ZNF454: variants seen among roughly 807,000 people sequenced by gnomAD.
ZNF454 encodes the protein zinc finger protein 454.
Under a neutral mutation model 48.2 loss-of-function variants are expected in ZNF454, and 30 were observed. That is an observed-to-expected ratio of 0.62 (90% CI 0.47 to 0.84). The LOEUF is 0.84. Ranked by LOEUF, ZNF454 falls within the 40% of genes least tolerant of loss-of-function variation. ZNF454 has a pLI of 0.00. For synonymous variants in ZNF454, 204 were observed against 211.4 expected (o/e 0.97, Z 0.30); for missense variants, 510 against 623.1 (o/e 0.82, Z 1.93).
At chr5:178,982,185 A>G in the ZNF454 span, among the ~76,000 whole-genome samples, 1 of 152,360 alleles carries the variant, frequency 6.6e-6, no homozygotes, top group Admixed American at 6.5e-5. Context: ...TCAGGAGCAG[A>G]TGGGCAAATA....
the ZNF454 span, among the ~76,000 whole-genome samples, chr5:178,976,947 C>T: frequency 0.035 from 5,363 of 152,182 alleles, 108 homozygotes; most frequent in South Asian, 0.075. Context: ...TGCCTGGGGC[C>T]GTGTTCCCCT....
At chr5:178,950,191 T>C (rs1759497867) in intron 4 of ZNF454, among the ~76,000 whole-genome samples, 1 of 152,224 alleles carries the variant, frequency 6.6e-6, no homozygotes, top group South Asian at 2.1e-4. Flanking sequence ...TTTTTAATCA[T>C]AATATGAAAA....
chr5:178,970,102 C>T (rs372246716), downstream of ZNF454, among the ~76,000 whole-genome samples: 8 of 152,152 alleles, frequency 5.3e-5, no homozygotes, highest in South Asian at 1.2e-3. Flanking sequence ...TTACTGTGGC[C>T]GAGCCTCAGA....
chr5:178,943,835 C>A (rs1759209113), intron 2 of ZNF454, among the ~76,000 whole-genome samples: 1 of 152,092 alleles, frequency 6.6e-6, no homozygotes, highest in South Asian at 2.1e-4. Context: ...ACCATCCTGG[C>A]TAACACAGTG....
rs1561708084 is a variant in ZNF454 at position 178,964,785 on chromosome 5, G to T, written c.381G>T (p.Glu127Asp). ...ACTGGAAGTGTGCTAGCCTGCTGGA[G>T]TGGCAATGTGGAGGCCAGGAGATCA... is the stretch of plus-strand genomic sequence containing the variant. Reference protein sequence around the residue: ...SSHWKCASLLEWQCGGQEISL... With the variant: ...SSHWKCASLLDWQCGGQEISL... The change falls in exon 5 of 5, where the codon GAG becomes GAT. Residue 127 changes from glutamate to aspartate, a missense_variant. Glu to Asp is a conservative substitution (Grantham distance 45). This residue lies in a region of ZNF454 where 354 missense variants were observed against 408.9 expected (regional missense o/e 0.87). Coordinates refer to ENST00000519564, the MANE Select transcript of ZNF454 (RefSeq NM_001178089.3). 3 of 1,614,236 alleles carry T rather than the reference G, an allele frequency of 1.9e-6. No homozygotes were observed. In the Admixed American group the frequency reaches 5.0e-5, roughly 27 times the overall value.
chr5:178,988,808 C>G, the ZNF454 span: 1 of 734,626 alleles, frequency 1.4e-6, no homozygotes, highest in Non-Finnish European at 2.4e-6. The surrounding 1 kb of genome is among the most constrained non-coding windows in gnomAD (Gnocchi z 6.0). Context: ...GCACTCAGCC[C>G]CAGGCACCCC....
At chr5:178,945,067 G>T (rs1462997504) in intron 2 of ZNF454, among the ~76,000 whole-genome samples, 1 of 131,288 alleles carries the variant, frequency 7.6e-6, no homozygotes, top group African/African-American at 2.6e-5. Context: ...CACAGGGTGT[G>T]TGTGGGGGTA....
At chr5:178,948,201 C>T (rs975651648) in intron 4 of ZNF454, 5 of 152,198 alleles carry the variant, frequency 3.3e-5, no homozygotes, top group African/African-American at 7.2e-5. Flanking sequence ...AGGCGTGAGC[C>T]ACCTCATGTG....
chr5:178,985,718 A>AAAAAAAC, the ZNF454 span: 3 of 420,972 alleles, frequency 7.1e-6, no homozygotes, highest in Admixed American at 3.0e-5. Context: ...AAAAAAACAA[A>AAAAAAAC]ACAACACAGG....
Position 178,946,824 on chromosome 5 carries a change from G to C in ZNF454, c.161-73G>C. The stretch of plus-strand genomic sequence containing the variant: ...TTTCCCAGCAAGCTCTGAGGACCAG[G>C]CTTTGTCTTTGCAGTGATTTTTATC... On this transcript the variant is annotated intron_variant, in intron 3 of 4. Transcript: ENST00000519564. This position sits in a 1 kb window ranked among gnomAD's most constrained non-coding sequence, Gnocchi z 4.5. 1.4e-6 allele frequency: 2 copies of C among 1,388,184 alleles called. No homozygotes were observed. Among genetic ancestry groups the C allele is most frequent in the Non-Finnish European group, 2.0e-6 (2 of 986,464 alleles). 86.0% of individuals were successfully genotyped at this position (1,388,184 alleles called of 1,614,324 possible).
At chr5:178,983,516 G>A in the ZNF454 span, 1 of 612,538 alleles carries the variant, frequency 1.6e-6, no homozygotes, top group Non-Finnish European at 3.1e-6. Flanking sequence ...GGGGCAGCTT[G>A]GTGTCCTCTT....
In ZNF454 at chr5:178,966,101, G is replaced by C; in HGVS notation, c.*128G>C. 1 of 878,866 alleles carries C rather than the reference G, an allele frequency of 1.1e-6. No individual in the cohort carries two copies. The highest frequency in any genetic ancestry group is 1.9e-5 in the South Asian group (1 of 53,334). The allele number at this position is 878,866 out of a possible 1,614,324, so 54.4% of individuals were successfully genotyped here. ...TAGTCACTTTATTTACTGAGGGTCAGGTTTCACAGTGTCATGGGGTTTGGG... is the reference window on the plus strand; with the variant it reads ...TAGTCACTTTATTTACTGAGGGTCACGTTTCACAGTGTCATGGGGTTTGGG... On this transcript the variant is annotated 3_prime_UTR_variant, in exon 5 of 5. Transcript: ENST00000519564.
intron 4 of ZNF454, among the ~76,000 whole-genome samples, chr5:178,957,489 A>C (rs961418973): frequency 6.6e-6 from 1 of 151,696 alleles, no homozygotes. Flanking sequence ...GGCTCACTGC[A>C]AGCTCCACCT....
At chr5:178,986,062 C>G in the ZNF454 span, 6 of 1,461,498 alleles carry the variant, frequency 4.1e-6, no homozygotes, top group Non-Finnish European at 5.6e-6. Context: ...GTGCCTGGCC[C>G]TTTTGGCTTT....
chr5:178,949,593 T>A (rs1759475951), intron 4 of ZNF454, among the ~76,000 whole-genome samples: 1 of 152,082 alleles, frequency 6.6e-6, no homozygotes, highest in South Asian at 2.1e-4. Flanking sequence ...TTTCTCTTAT[T>A]TCTGTTTCAT....
chr5:178,958,192 A>G (rs1759855474), intron 4 of ZNF454, among the ~76,000 whole-genome samples: 1 of 152,312 alleles, frequency 6.6e-6, no homozygotes, highest in East Asian at 1.9e-4. Context: ...TACTGTTTAA[A>G]TATATCTGTG....
At chr5:178,981,417 GTTTC>G in the ZNF454 span, 2 of 544,690 alleles carry the variant, frequency 3.7e-6, no homozygotes, top group Non-Finnish European at 6.6e-6. The surrounding 1 kb of genome is among the most constrained non-coding windows in gnomAD (Gnocchi z 5.1). Flanking sequence ...CTCGGTGGCT[GTTTC>G]CCACCATGGG....
In ZNF454 at chr5:178,941,329, G is replaced by A. The variant is rs1759078040; in HGVS notation, c.-223G>A. 4.4e-6 allele frequency: 2 copies of A among 453,822 alleles called. No homozygotes were observed. The highest frequency in any genetic ancestry group is 8.9e-6 in the Non-Finnish European group (2 of 225,172). 28.1% of individuals were successfully genotyped at this position (453,822 alleles called of 1,614,324 possible). A position where few individuals can be genotyped will look rare whatever the true frequency, so the allele number is the denominator to read the frequency against. Reference sequence around the variant, plus strand: ...GGCACGGTGGTCAAAGCCGCAGAGGGAGAGCGGGAGCGGTCGTGAGGTCGT... The same window carrying A: ...GGCACGGTGGTCAAAGCCGCAGAGGAAGAGCGGGAGCGGTCGTGAGGTCGT... On this transcript the variant is annotated 5_prime_UTR_variant, in exon 1 of 5. Transcript: ENST00000519564. This position sits in a 1 kb window ranked among gnomAD's most constrained non-coding sequence, Gnocchi z 5.5.
chr5:178,964,509 C>G (rs1342924394), intron 4 of ZNF454, 146 bp from the exon 5 acceptor site: 2 of 705,736 alleles, frequency 2.8e-6, no homozygotes, highest in Non-Finnish European at 4.9e-6. Context: ...CTGTTCACCC[C>G]TCTTTTCTGT....
Sources: allele counts gnomAD v4.1 joint callset (sites outside exome capture counted in the v4.1 genomes callset), GRCh38; gene constraint gnomAD v4.1.1; regional missense constraint gnomAD v4.1.1; non-coding constraint Gnocchi (gnomAD v3.1); transcripts MANE v1.5; gene names NCBI Gene and HGNC (gene_info 2026-07-23, HGNC 2026-07-21).